DNAAF11: variants seen among roughly 807,000 people sequenced by gnomAD.
DNAAF11 encodes dynein axonemal assembly factor 11, also known as leucine rich repeat containing 6.
In DNAAF11, 45 loss-of-function variants were observed where a neutral mutation model predicts 60.8. That is an observed-to-expected ratio of 0.74 (90% CI 0.58 to 0.95). The LOEUF is 0.95. Among genes scored for constraint, DNAAF11 ranks in the 40% least tolerant of loss-of-function variants. The probability of loss-of-function intolerance (pLI) is 0.00; values close to 1 mark genes in which losing one functional copy is unlikely to be tolerated. For synonymous variants in DNAAF11, 191 were observed against 183.5 expected, an observed-to-expected ratio of 1.04 and a Z score of -0.33; for missense variants, 546 against 546.2, an observed-to-expected ratio of 1.00 and a Z score of 0.00.
At chr8:132,639,209 T>C (rs1471142532) in intron 3 of DNAAF11, among the ~76,000 whole-genome samples, 1 of 152,208 alleles carries the variant, frequency 6.6e-6, no homozygotes, top group Non-Finnish European at 1.5e-5. Context: ...TTGCAGTTTC[T>C]TTCTATGAGC....
At chr8:132,578,405 C>T (rs1260727305) in intron 11 of DNAAF11, 1 of 1,471,024 alleles carries the variant, frequency 6.8e-7, no homozygotes, top group Non-Finnish European at 8.9e-7. Flanking sequence ...GGGGCCTTTT[C>T]ACCTTTGCTT....
At chr8:132,617,104 G>A (rs150412052) in intron 7 of DNAAF11, among the ~76,000 whole-genome samples, 16 of 152,270 alleles carry the variant, frequency 1.1e-4, no homozygotes, top group African/African-American at 1.2e-4. Flanking sequence ...ACCAGGAACC[G>A]AAACCCTCTG....
At chr8:132,687,881 C>T in the DNAAF11 span, among the ~76,000 whole-genome samples, 4 of 152,180 alleles carry the variant, frequency 2.6e-5, no homozygotes, top group Admixed American at 2.6e-4. Context: ...GCATGGTTTT[C>T]TTAGCTTTCT....
intron 7 of DNAAF11, among the ~76,000 whole-genome samples, chr8:132,621,900 T>C (rs1475268027): frequency 6.6e-6 from 1 of 152,154 alleles, no homozygotes; most frequent in African/African-American, 2.4e-5. Context: ...TGAAGACAAA[T>C]GATGCCCAGG....
chr8:132,644,608 C>T (rs912171216), intron 3 of DNAAF11, among the ~76,000 whole-genome samples: 1 of 152,098 alleles, frequency 6.6e-6, no homozygotes, highest in East Asian at 1.9e-4. Flanking sequence ...ACCAATGGTA[C>T]CTGGAAAATT....
chr8:132,676,047 C>T (rs142141636), upstream of DNAAF11, among the ~76,000 whole-genome samples: 6 of 152,258 alleles, frequency 3.9e-5, no homozygotes, highest in East Asian at 1.2e-3. Flanking sequence ...ATGAAAGACA[C>T]TATGAAAACA....
At chr8:132,644,853 G>A (rs1452139128) in intron 3 of DNAAF11, among the ~76,000 whole-genome samples, 1 of 152,196 alleles carries the variant, frequency 6.6e-6, no homozygotes, top group East Asian at 1.9e-4. Context: ...ACTGGGTGGA[G>A]CCCACCACAG....
the DNAAF11 span, among the ~76,000 whole-genome samples, chr8:132,686,880 T>A: frequency 4.2e-4 from 64 of 152,322 alleles, no homozygotes; most frequent in African/African-American, 1.5e-3. Context: ...GCCTCTGTCC[T>A]CCCACTGGCT....
Position 132,583,661 on chromosome 8 carries a change from A to C in DNAAF11, c.1226+33T>G, listed in dbSNP as rs137970679. On this transcript the variant is annotated intron_variant, in intron 11 of 11. Transcript: ENST00000620350. The stretch of plus-strand genomic sequence containing the variant: ...CAAATGACAATGAAGAGAACAATAT[A>C]ATACAGCTAAGGACAGTCTGGGAGG... The C allele has an allele frequency of 0.021, 31,544 of 1,535,484 alleles. 424 individuals carry two copies. The highest frequency in any genetic ancestry group is 0.046 in the Middle Eastern group (270 of 5,926).
chr8:132,665,916 A>G (rs569158596), intron 1 of DNAAF11, among the ~76,000 whole-genome samples: 6 of 140,208 alleles, frequency 4.3e-5, no homozygotes, highest in Non-Finnish European at 7.8e-5. Context: ...CTATGCAGCC[A>G]TAAAAAGAAA....
intron 3 of DNAAF11, among the ~76,000 whole-genome samples, chr8:132,641,229 G>T (rs958369532): frequency 2.0e-5 from 3 of 152,144 alleles, no homozygotes; most frequent in African/African-American, 7.2e-5. Flanking sequence ...AGTTAAAAGT[G>T]AAATATAGTA....
chr8:132,627,541 T>A (rs1017507873), intron 5 of DNAAF11, among the ~76,000 whole-genome samples: 1 of 152,122 alleles, frequency 6.6e-6, no homozygotes, highest in South Asian at 2.1e-4. Context: ...CAGCTAAACA[T>A]TCATTTTCAG....
intron 11 of DNAAF11, among the ~76,000 whole-genome samples, chr8:132,578,108 T>C (rs910727012): frequency 2.0e-5 from 3 of 152,170 alleles, no homozygotes; most frequent in African/African-American, 4.8e-5. Context: ...GTTTTAAGTA[T>C]ATATCTAAGT....
chr8:132,614,910 A>G (rs1818993508), intron 8 of DNAAF11, 128 bp downstream of exon 8: 1 of 549,720 alleles, frequency 1.8e-6, no homozygotes, highest in Non-Finnish European at 3.2e-6. Flanking sequence ...TCTCTGTCTT[A>G]ACAAATAAGC....
intron 11 of DNAAF11, among the ~76,000 whole-genome samples, chr8:132,574,139 A>T (rs1175729325): frequency 1.3e-5 from 2 of 152,218 alleles, no homozygotes; most frequent in African/African-American, 4.8e-5. Flanking sequence ...CCTGCCTTTA[A>T]AAGAATAGAG....
At chr8:132,631,506 T>C (rs758213219) in intron 5 of DNAAF11, among the ~76,000 whole-genome samples, 1 of 152,186 alleles carries the variant, frequency 6.6e-6, no homozygotes, top group Non-Finnish European at 1.5e-5. Context: ...AGCAAAGCTA[T>C]AGAAAGGTAT....
chr8:132,614,895 T>C, intron 8 of DNAAF11, 143 bp downstream of exon 8: 1 of 502,782 alleles, frequency 2.0e-6, no homozygotes, highest in East Asian at 3.1e-5. Flanking sequence ...AAAATTATAG[T>C]AACTTCTCTG....
intron 3 of DNAAF11, among the ~76,000 whole-genome samples, chr8:132,651,626 C>T (rs575513001): frequency 3.0e-4 from 45 of 152,072 alleles, no homozygotes; most frequent in Non-Finnish European, 5.7e-4. Flanking sequence ...ACAATAGTGA[C>T]GATGCTGCCC....
the DNAAF11 span, chr8:132,687,408 C>T: frequency 3.3e-6 from 1 of 306,338 alleles, no homozygotes; most frequent in African/African-American, 2.2e-5. Context: ...TACATTCTAG[C>T]AGAATAATGA....
Sources: allele counts gnomAD v4.1 joint callset (sites outside exome capture counted in the v4.1 genomes callset), GRCh38; gene constraint gnomAD v4.1.1; transcripts MANE v1.5; gene names NCBI Gene and HGNC (gene_info 2026-07-23, HGNC 2026-07-21).